The following RNF111 variants were observed in gnomAD, a reference collection of about 807,000 sequenced individuals.
The protein encoded by RNF111 is ring finger protein 111, also known as E3 ubiquitin-protein ligase Arkadia.
RNF111 carries 17 observed loss-of-function variants against 95.1 expected under a neutral mutation model. The observed-to-expected ratio is 0.18, with a 90% CI of 0.12 to 0.27. The LOEUF is 0.27. Ranked by LOEUF, RNF111 falls within the 10% of genes least tolerant of loss-of-function variation. RNF111 has a pLI of 1.00. For missense variants in RNF111, 1,189 were observed against 1,210.4 expected (o/e 0.98, Z 0.26); for synonymous variants, 440 against 414.8 (o/e 1.06, Z -0.74).
chr15:59,071,525 C>T (rs1236986550), intron 6 of RNF111, among the ~76,000 whole-genome samples: 10 of 151,738 alleles, frequency 6.6e-5, no homozygotes, highest in South Asian at 4.1e-4. Flanking sequence ...TCTAACAAAA[C>T]GAAACAAAAA....
At chr15:59,032,238 C>T (rs1302697480) in intron 2 of RNF111, among the ~76,000 whole-genome samples, 2 of 152,136 alleles carry the variant, frequency 1.3e-5, no homozygotes, top group African/African-American at 4.8e-5. Context: ...TGTACCTGGC[C>T]TCATTTATTA....
chr15:59,020,237 A>T (rs1317506320), intron 1 of RNF111, among the ~76,000 whole-genome samples: 1 of 149,958 alleles, frequency 6.7e-6, no homozygotes, highest in Non-Finnish European at 1.5e-5. Flanking sequence ...TAATATGTAT[A>T]TACTGTACAT....
chr15:59,080,691 A>G (rs2078714652), intron 7 of RNF111, among the ~76,000 whole-genome samples: 1 of 152,116 alleles, frequency 6.6e-6, no homozygotes, highest in Non-Finnish European at 1.5e-5. Context: ...TGGTGTGTTC[A>G]TATAATAGAA....
chr15:59,017,224 C>T (rs1199556378), intron 1 of RNF111, among the ~76,000 whole-genome samples: 1 of 151,012 alleles, frequency 6.6e-6, no homozygotes, highest in Non-Finnish European at 1.5e-5. Flanking sequence ...GAAACCGCTG[C>T]TGTGTAGGCC....
At chr15:59,033,940 A>T (rs186771738) in intron 2 of RNF111, among the ~76,000 whole-genome samples, 15 of 152,160 alleles carry the variant, frequency 9.9e-5, no homozygotes, top group African/African-American at 3.4e-4. Context: ...AACTGGTTTT[A>T]AAAAAAATAA....
At chr15:59,081,990 T>C (rs1213435225) in intron 8 of RNF111, among the ~76,000 whole-genome samples, 1 of 152,148 alleles carries the variant, frequency 6.6e-6, no homozygotes, top group Non-Finnish European at 1.5e-5. Flanking sequence ...ACCATAGTTC[T>C]TTTATCCTTG....
At chr15:58,988,833 T>G (rs1178305662) in intron 1 of RNF111, among the ~76,000 whole-genome samples, 1 of 152,216 alleles carries the variant, frequency 6.6e-6, no homozygotes, top group Non-Finnish European at 1.5e-5. Flanking sequence ...TGTTTCTTGA[T>G]TTATGTGCGG....
chr15:59,057,836 A>C (rs2042261777), intron 4 of RNF111, among the ~76,000 whole-genome samples: 1 of 152,218 alleles, frequency 6.6e-6, no homozygotes, highest in South Asian at 2.1e-4. Context: ...CTATGAAGAA[A>C]ATTCTGATGC....
At chr15:59,073,489 A>AT (rs1467084568) in intron 6 of RNF111, among the ~76,000 whole-genome samples, 123 of 139,054 alleles carry the variant, frequency 8.8e-4, no homozygotes, top group African/African-American at 2.2e-3. Flanking sequence ...TCCAAAAAAA[A>AT]AAAAAATAAA....
At chr15:59,019,017 G>C (rs2040203017) in intron 1 of RNF111, among the ~76,000 whole-genome samples, 1 of 151,866 alleles carries the variant, frequency 6.6e-6, no homozygotes. Context: ...TCTGCCTTCC[G>C]GGCTTGAGTG....
At chr15:58,997,719 G>A (rs2039139715) in intron 1 of RNF111, among the ~76,000 whole-genome samples, 1 of 151,136 alleles carries the variant, frequency 6.6e-6, no homozygotes, top group South Asian at 2.1e-4. Context: ...GGGAGGCTGA[G>A]GCAGGAGGAT....
chr15:59,038,997 T>G (rs1445244002), intron 2 of RNF111, among the ~76,000 whole-genome samples: 1 of 152,176 alleles, frequency 6.6e-6, no homozygotes, highest in Non-Finnish European at 1.5e-5. Flanking sequence ...GGAGTTTCAC[T>G]TTTGTTGCCC....
intron 6 of RNF111, 113 bp from the exon 7 acceptor site, chr15:59,075,840 TC>T: frequency 8.6e-7 from 1 of 1,164,674 alleles, no homozygotes; most frequent in South Asian, 1.6e-5. Flanking sequence ...CTTCCTGGTT[TC>T]AAACTAATTT....
intron 4 of RNF111, among the ~76,000 whole-genome samples, 187 bp from the exon 5 acceptor site, chr15:59,058,167 ATT>A (rs1473666888): frequency 1.3e-5 from 2 of 152,224 alleles, no homozygotes; most frequent in Non-Finnish European, 2.9e-5. Flanking sequence ...ATGCAGTAAT[ATT>A]TTGGTAACAC....
At chr15:59,014,338 C>G (rs1204284554) in intron 1 of RNF111, among the ~76,000 whole-genome samples, 3 of 152,140 alleles carry the variant, frequency 2.0e-5, no homozygotes, top group East Asian at 1.9e-4. Context: ...AATGGTATTA[C>G]AAGTCAGAAT....
At chr15:59,040,494 T>C (rs2041398013) in intron 2 of RNF111, among the ~76,000 whole-genome samples, 1 of 152,208 alleles carries the variant, frequency 6.6e-6, no homozygotes, top group African/African-American at 2.4e-5. Flanking sequence ...AAAATAAATC[T>C]TTAATTTAAG....
chr15:59,057,222 C>T lies in RNF111; in HGVS notation c.1172-1134C>T, dbSNP rs114021668. On this transcript the variant is annotated intron_variant, in intron 4 of 13. Coordinates refer to ENST00000348370, the MANE Select transcript of RNF111 (RefSeq NM_017610.8). ...TGCTGTTCACAGTGCACATCTCCTC[C>T]CCAGCGAACAAAAAATTGTCTAGCC... 5.4e-3 allele frequency among the ~76,000 whole-genome samples: 826 copies of T among 152,234 alleles called. 9 individuals carry two copies. The highest frequency in any genetic ancestry group is 0.019 in the African/African-American group (786 of 41,548).
At position 59,095,002 on chromosome 15, in the gene RNF111, T is replaced by C. The variant is rs1174969083; in HGVS notation, c.*102T>C. The C allele has an allele frequency of 1.3e-6, 1 of 779,306 alleles. No individual in the cohort carries two copies. Among genetic ancestry groups the C allele is most frequent in the Non-Finnish European group, 2.3e-6 (1 of 432,860 alleles). 48.3% of individuals were successfully genotyped at this position (779,306 alleles called of 1,614,324 possible). A position where few individuals can be genotyped will look rare whatever the true frequency, so the allele number is the denominator to read the frequency against. On this transcript the variant is annotated 3_prime_UTR_variant, in exon 14 of 14. Transcript: ENST00000348370. Reference sequence around the variant, plus strand: ...CTTACCTGCGCAGATTTGGAAGCATTGAACTTAGAGTGCTGGCTCTGCTAT... The same window carrying C: ...CTTACCTGCGCAGATTTGGAAGCATCGAACTTAGAGTGCTGGCTCTGCTAT...
intron 1 of RNF111, among the ~76,000 whole-genome samples, chr15:59,003,397 AC>A (rs1473435700): frequency 1.3e-5 from 2 of 151,078 alleles, no homozygotes; most frequent in African/African-American, 2.4e-5. Context: ...GAGCCGCCAC[AC>A]CCGGCCTTTT....
Sources: gnomAD v4.1 joint callset for allele counts (sites outside exome capture counted in the v4.1 genomes callset) on GRCh38, gnomAD v4.1.1 for gene constraint, MANE v1.5 for transcripts, NCBI Gene and HGNC (gene_info 2026-07-23, HGNC 2026-07-21) for gene names.